Variants in LCA5 observed in about 807,000 individuals in gnomAD.
LCA5 encodes lebercilin.
A neutral mutation model predicts 53.0 loss-of-function variants in LCA5; 37 were observed. The observed-to-expected ratio is 0.70, with a 90% CI of 0.54 to 0.92. The LOEUF (loss-of-function observed/expected upper bound fraction) is 0.92, where lower values mean the gene tolerates loss of function less well. Ranked by LOEUF, LCA5 falls within the 40% of genes least tolerant of loss-of-function variation. LCA5 has a pLI of 0.00. For missense variants in LCA5, 806 were observed against 790.5 expected (o/e 1.02, Z -0.23); for synonymous variants, 303 against 282.9 (o/e 1.07, Z -0.71).
chr6:79,533,361 G>GAGT lies in LCA5; in HGVS notation c.-192+3801_-192+3803dup, dbSNP rs560189937. ...GTTGCAGGAGGAGGGGGGAGCGAGG[G>GAGT]AGTGAGGGGTACTTGTATGTATCCC... On this transcript the variant is annotated intron_variant, in intron 1 of 7. Transcript: ENST00000369846. Among the ~76,000 whole-genome samples, 140 of 152,056 alleles carry GAGT rather than the reference G, an allele frequency of 9.2e-4. 1 individual carries two copies. The South Asian group carries it at 0.017, about 18-fold the overall frequency.
In LCA5 at chr6:79,513,423, G is replaced by A; in HGVS notation, c.509C>T (p.Ala170Val). Residue 170 changes from alanine to valine, a missense_variant, in exon 3 of 8, where the codon GCA becomes GTA. Physicochemically the swap from Ala to Val is moderately conservative, Grantham distance 64. Transcript: ENST00000369846. ...LIFRHNNEIT[A>V]LKERLRKSQE... ...AGATTTTCTTAAGCGTTCTTTGAGT[G>A]CTGTAATCTCATTGTTATGACGAAA... 1 of 1,613,656 alleles carries A rather than the reference G, an allele frequency of 6.2e-7. No individual in the cohort carries two copies. Among genetic ancestry groups the A allele is most frequent in the Non-Finnish European group, 8.5e-7 (1 of 1,179,750 alleles).
intron 2 of LCA5, among the ~76,000 whole-genome samples, chr6:79,515,978 C>T (rs1408090118): frequency 3.3e-5 from 5 of 151,912 alleles, no homozygotes; most frequent in African/African-American, 9.7e-5. Context: ...GTGGGTAGCC[C>T]AAACTGGGAT....
At chr6:79,513,037 A>C in intron 3 of LCA5, 175 bp downstream of exon 3, 1 of 662,798 alleles carries the variant, frequency 1.5e-6, no homozygotes, top group East Asian at 2.7e-5. Context: ...TAATGTACAC[A>C]ATCTTTTGCA....
chr6:79,503,083 T>C lies in LCA5; in HGVS notation c.721-9333A>G, dbSNP rs149680414. On this transcript the variant is annotated intron_variant, in intron 3 of 7. Coordinates refer to ENST00000369846, the MANE Select transcript of LCA5 (RefSeq NM_001122769.3). ...TTTTGGTAGAGACAGGGTTTCAACA[T>C]GTTGGCTAGGCTGGTCTTGAACTCC... 2.9e-3 allele frequency among the ~76,000 whole-genome samples: 446 copies of C among 152,268 alleles called. 3 individuals carry two copies. The highest frequency in any genetic ancestry group is 9.9e-3 in the African/African-American group (410 of 41,550).
At chr6:79,505,318 A>C (rs1457650592) in intron 3 of LCA5, among the ~76,000 whole-genome samples, 1 of 152,188 alleles carries the variant, frequency 6.6e-6, no homozygotes, top group Non-Finnish European at 1.5e-5. Flanking sequence ...TAAATAATAA[A>C]ATCTTTGATT....
intron 3 of LCA5, among the ~76,000 whole-genome samples, chr6:79,496,093 C>G (rs58352365): frequency 1.3e-5 from 2 of 152,098 alleles, no homozygotes; most frequent in South Asian, 2.1e-4. Context: ...GCTTCAATAT[C>G]GTAAGTCATA....
chr6:79,518,129 T>G (rs1766498249), intron 2 of LCA5, among the ~76,000 whole-genome samples: 1 of 152,220 alleles, frequency 6.6e-6, no homozygotes, highest in Non-Finnish European at 1.5e-5. Flanking sequence ...TGAAGGCCTA[T>G]TTCCATTCTA....
At position 79,487,833 on chromosome 6, in the gene LCA5, T is replaced by G; in HGVS notation, c.1265A>C (p.Lys422Thr). 6.2e-7 allele frequency: 1 copy of G among 1,608,700 alleles called. No homozygotes were observed. The highest frequency in any genetic ancestry group is 1.3e-5 in the African/African-American group (1 of 74,662). The change falls in exon 8 of 8, where the codon AAA (lysine) becomes ACA (threonine). Residue 422 changes from lysine (K) to threonine (T), a missense_variant. Transcript: ENST00000369846. ...TCTTTCCAGTAAAGATGCCTTTTCT[T>G]TTTGCTTTTTATCAAGTTCTTCTCT... ...WEREELDKKQ[K>T]EKASLLEREE...
At chr6:79,489,368 T>G in intron 6 of LCA5, 152 bp from the exon 7 acceptor site, 1 of 794,638 alleles carries the variant, frequency 1.3e-6, no homozygotes, top group Admixed American at 2.5e-5. Flanking sequence ...AAGTTATCAC[T>G]CCTTGAAAAA....
intron 1 of LCA5, among the ~76,000 whole-genome samples, chr6:79,523,007 G>C (rs747073992): frequency 2.6e-5 from 4 of 151,988 alleles, no homozygotes; most frequent in Admixed American, 6.6e-5. Context: ...AAAGGAAAAT[G>C]GGTAAGGGTA....
chr6:79,522,027 T>C (rs1236517826), intron 1 of LCA5, among the ~76,000 whole-genome samples: 1 of 152,154 alleles, frequency 6.6e-6, no homozygotes, highest in African/African-American at 2.4e-5. Context: ...GTTCATATGA[T>C]ATATTTTACA....
intron 2 of LCA5, among the ~76,000 whole-genome samples, chr6:79,515,784 A>T (rs1799061127): frequency 6.6e-6 from 1 of 152,144 alleles, no homozygotes; most frequent in South Asian, 2.1e-4. Flanking sequence ...TAAAAAGATA[A>T]AAGATTTTAT....
Position 79,518,821 on chromosome 6 carries a change from G to A in LCA5, c.74C>T (p.Ser25Phe), listed in dbSNP as rs776203088. ...KAGKHHYSYL[S>F]DFETPQSSGR... ...AGAAGACTGTGGCGTTTCAAAATCA[G>A]ATAAGTAAGAATAATGGTGTTTGCC... Residue 25 changes from serine (S) to phenylalanine (F), a missense_variant, in exon 2 of 8, where the codon TCT becomes TTT. Coordinates refer to ENST00000369846, the MANE Select transcript of LCA5 (RefSeq NM_001122769.3). 8 of 1,614,094 alleles carry A rather than the reference G, an allele frequency of 5.0e-6. No individual in the cohort carries two copies. Among genetic ancestry groups the A allele is most frequent in the African/African-American group, 1.3e-5 (1 of 75,034 alleles).
At chr6:79,526,698 C>T (rs1468863717) in intron 1 of LCA5, among the ~76,000 whole-genome samples, 1 of 152,176 alleles carries the variant, frequency 6.6e-6, no homozygotes, top group Non-Finnish European at 1.5e-5. Flanking sequence ...CCCTTGGCAT[C>T]CCCCTTCCTC....
At chr6:79,504,699 CTTAAAT>C (rs1770230773) in intron 3 of LCA5, among the ~76,000 whole-genome samples, 2 of 152,140 alleles carry the variant, frequency 1.3e-5, no homozygotes, top group South Asian at 4.2e-4. Flanking sequence ...TTAGGCTAAA[CTTAAAT>C]TTAACAGTAA....
chr6:79,489,290 C>T (rs1769770917), intron 6 of LCA5, 74 bp from the exon 7 acceptor site: 2 of 1,438,638 alleles, frequency 1.4e-6, no homozygotes, highest in South Asian at 2.4e-5. Context: ...CAGATTTATC[C>T]ATTAAACATG....
intron 1 of LCA5, among the ~76,000 whole-genome samples, chr6:79,536,681 A>G (rs947437527): frequency 2.6e-5 from 4 of 152,212 alleles, no homozygotes; most frequent in African/African-American, 9.6e-5. Flanking sequence ...CACAGTTTTA[A>G]TAATAACACA....
intron 3 of LCA5, among the ~76,000 whole-genome samples, chr6:79,511,435 A>G (rs1393783838): frequency 6.6e-6 from 1 of 152,180 alleles, no homozygotes; most frequent in Non-Finnish European, 1.5e-5. Context: ...AGAAATAATG[A>G]GCAAATTAGC....
chr6:79,507,276 A>T (rs1370388050), intron 3 of LCA5, among the ~76,000 whole-genome samples: 1 of 152,130 alleles, frequency 6.6e-6, no homozygotes, highest in East Asian at 1.9e-4. Flanking sequence ...GGAAATATAG[A>T]TTTTTTGTTA....
Sources: allele counts gnomAD v4.1 joint callset (sites outside exome capture counted in the v4.1 genomes callset), GRCh38; gene constraint gnomAD v4.1.1; transcripts MANE v1.5; gene names NCBI Gene and HGNC (gene_info 2026-07-23, HGNC 2026-07-21).